Variants in SPTLC2 observed in about 807,000 individuals in gnomAD.
SPTLC2 encodes serine palmitoyltransferase long chain base subunit 2, also known as serine palmitoyltransferase 2.
Under a neutral mutation model 62.0 loss-of-function variants are expected in SPTLC2, and 21 were observed. That is an observed-to-expected ratio of 0.34 (90% CI 0.24 to 0.49). SPTLC2 has a LOEUF of 0.49. Ranked by LOEUF, SPTLC2 falls within the 20% of genes least tolerant of loss-of-function variation. SPTLC2 has a pLI of 0.99. For missense variants in SPTLC2, 511 were observed against 713.0 expected (o/e 0.72, Z 3.23); for synonymous variants, 261 against 261.8 (o/e 1.00, Z 0.03).
chr14:77,590,135 C>G (rs758357753), intron 2 of SPTLC2, among the ~76,000 whole-genome samples: 20 of 152,178 alleles, frequency 1.3e-4, no homozygotes, highest in Non-Finnish European at 2.4e-4. Flanking sequence ...GCCACCACAC[C>G]CAGCTAATTT....
intron 5 of SPTLC2, among the ~76,000 whole-genome samples, chr14:77,569,733 TCACA>T (rs1278642348): frequency 6.9e-6 from 1 of 144,792 alleles, no homozygotes; most frequent in Non-Finnish European, 1.5e-5. Context: ...TTGTGCCCTC[TCACA>T]CACACTACCC....
intron 9 of SPTLC2, among the ~76,000 whole-genome samples, chr14:77,534,184 ACACAC>A (rs1566771782): frequency 5.3e-4 from 37 of 70,192 alleles, no homozygotes; most frequent in Non-Finnish European, 4.1e-4. Context: ...TCTCTCACAC[ACACAC>A]ACACACACAC....
At chr14:77,609,031 A>C (rs1252340033) in intron 1 of SPTLC2, among the ~76,000 whole-genome samples, 3 of 151,894 alleles carry the variant, frequency 2.0e-5, no homozygotes, top group Admixed American at 6.6e-5. Context: ...TTGGCTAGAA[A>C]GCAGTGACCT....
intron 4 of SPTLC2, 46 bp from the exon 5 acceptor site, chr14:77,570,554 T>C: frequency 6.4e-7 from 1 of 1,571,510 alleles, no homozygotes; most frequent in Non-Finnish European, 8.6e-7. Context: ...ATCCTGAATT[T>C]AAGAATTACT....
intron 5 of SPTLC2, among the ~76,000 whole-genome samples, chr14:77,562,819 G>A (rs1354063188): frequency 1.3e-5 from 2 of 152,144 alleles, no homozygotes; most frequent in African/African-American, 2.4e-5. Context: ...TTCTTTACGT[G>A]AGAGAATTCC....
intron 4 of SPTLC2, among the ~76,000 whole-genome samples, chr14:77,573,157 C>T (rs2079693407): frequency 6.6e-6 from 1 of 151,988 alleles, no homozygotes; most frequent in African/African-American, 2.4e-5. Context: ...GCGAGTAAAA[C>T]AATACTGGAA....
chr14:77,570,984 CAG>C (rs1425016496), intron 4 of SPTLC2, among the ~76,000 whole-genome samples: 1 of 152,100 alleles, frequency 6.6e-6, no homozygotes, highest in African/African-American at 2.4e-5. Context: ...GAAAGAGAAA[CAG>C]AGATGCCCAG....
intron 4 of SPTLC2, among the ~76,000 whole-genome samples, chr14:77,571,670 G>A (rs2079684021): frequency 6.6e-6 from 1 of 152,126 alleles, no homozygotes; most frequent in East Asian, 1.9e-4. Context: ...GTGTCCTTAA[G>A]GCTTGCTTAA....
intron 9 of SPTLC2, among the ~76,000 whole-genome samples, chr14:77,549,833 T>G (rs1408375303): frequency 6.6e-6 from 1 of 152,220 alleles, no homozygotes; most frequent in Non-Finnish European, 1.5e-5. Context: ...TTAGTACAGA[T>G]AAGTCATTTA....
At chr14:77,528,602 A>C (rs952608494) in intron 9 of SPTLC2, among the ~76,000 whole-genome samples, 17 of 152,150 alleles carry the variant, frequency 1.1e-4, no homozygotes, top group African/African-American at 3.4e-4. Flanking sequence ...GGGTCCCTCA[A>C]ATAGATAGCT....
intron 2 of SPTLC2, 73 bp from the exon 3 acceptor site, chr14:77,579,182 G>T: frequency 2.0e-6 from 3 of 1,495,430 alleles, no homozygotes; most frequent in East Asian, 2.4e-5. Flanking sequence ...CAGATGACAT[G>T]ATCTTTTATT....
chr14:77,601,825 T>G (rs1173715458), intron 1 of SPTLC2, among the ~76,000 whole-genome samples: 1 of 152,202 alleles, frequency 6.6e-6, no homozygotes, highest in African/African-American at 2.4e-5. Context: ...TCTCTTAATT[T>G]CAATTCCTTT....
chr14:77,548,403 C>T (rs993103876), intron 9 of SPTLC2, among the ~76,000 whole-genome samples: 1 of 152,200 alleles, frequency 6.6e-6, no homozygotes, highest in Non-Finnish European at 1.5e-5. Flanking sequence ...CATCAAAGCA[C>T]AGCTCTGGAA....
At position 77,512,438 on chromosome 14, in the gene SPTLC2, A is replaced by C. The variant is rs1261374532; in HGVS notation, c.1570-35T>G. On this transcript the variant is annotated intron_variant, in intron 11 of 11. Coordinates refer to ENST00000216484, the MANE Select transcript of SPTLC2 (RefSeq NM_004863.4). ...ACAAGACAAAGTAGAGGTCTGTCAG[A>C]GCCAGTAGGATGCAGGCATGCCTGG... 9 of 1,614,016 alleles carry C rather than the reference A, an allele frequency of 5.6e-6. No individual in the cohort carries two copies. In the African/African-American group the frequency reaches 1.2e-4, roughly 22 times the overall value.
chr14:77,578,174 A>G (rs1199447120), intron 3 of SPTLC2, among the ~76,000 whole-genome samples: 3 of 152,092 alleles, frequency 2.0e-5, no homozygotes, highest in Admixed American at 6.5e-5. Flanking sequence ...CAAACAAACA[A>G]ATACAATGTT....
intron 2 of SPTLC2, among the ~76,000 whole-genome samples, chr14:77,580,375 G>A (rs1205789467): frequency 1.3e-5 from 2 of 151,496 alleles, no homozygotes; most frequent in African/African-American, 2.4e-5. Flanking sequence ...CCAGCTACTC[G>A]GGAGGCTTGA....
At chr14:77,521,932 ACT>A (rs1018544177) in intron 9 of SPTLC2, among the ~76,000 whole-genome samples, 4 of 152,038 alleles carry the variant, frequency 2.6e-5, no homozygotes, top group African/African-American at 9.7e-5. Flanking sequence ...AGGTGGGGAG[ACT>A]CTCACCAAGG....
At chr14:77,518,355 A>C (rs1036797054) in intron 10 of SPTLC2, among the ~76,000 whole-genome samples, 188 bp from the exon 11 acceptor site, 4 of 152,164 alleles carry the variant, frequency 2.6e-5, no homozygotes, top group African/African-American at 9.7e-5. Context: ...TCAATCCTAA[A>C]GCAGTCTTCT....
intron 1 of SPTLC2, among the ~76,000 whole-genome samples, chr14:77,610,874 T>C (rs2079931763): frequency 6.6e-6 from 1 of 150,878 alleles, no homozygotes; most frequent in South Asian, 2.1e-4. Flanking sequence ...AGTGAGACTC[T>C]GTCTCCCTCT....
Sources: gnomAD v4.1 joint callset for allele counts (sites outside exome capture counted in the v4.1 genomes callset) on GRCh38, gnomAD v4.1.1 for gene constraint, MANE v1.5 for transcripts, NCBI Gene and HGNC (gene_info 2026-07-23, HGNC 2026-07-21) for gene names.